Variants in DCC observed in about 807,000 individuals in gnomAD.
The protein encoded by DCC is netrin receptor DCC.
DCC carries 58 observed loss-of-function variants against 172.5 expected under a neutral mutation model. That is an observed-to-expected ratio of 0.34 (90% confidence interval 0.27 to 0.42). The LOEUF is 0.42. Ranked by LOEUF, DCC falls within the 10% of genes least tolerant of loss-of-function variation. The pLI is 1.00. For missense variants in DCC, 1,740 were observed against 1,791.0 expected (o/e 0.97, Z 0.51); for synonymous variants, 709 against 644.5 (o/e 1.10, Z -1.52).
chr18:52,350,672 C>A (rs1984080169), intron 1 of DCC, among the ~76,000 whole-genome samples: 1 of 152,130 alleles, frequency 6.6e-6, no homozygotes, highest in Admixed American at 6.5e-5. Flanking sequence ...ATTTAAAAAA[C>A]TCATAATATA....
intron 26 of DCC, among the ~76,000 whole-genome samples, chr18:53,489,849 T>A (rs904468403): frequency 6.6e-6 from 1 of 152,244 alleles, no homozygotes; most frequent in Non-Finnish European, 1.5e-5. Context: ...TTCTTCTTAA[T>A]AAGTAACTGC....
chr18:53,121,953 C>G (rs751741140), intron 7 of DCC, among the ~76,000 whole-genome samples: 9 of 151,698 alleles, frequency 5.9e-5, no homozygotes, highest in Admixed American at 1.3e-4. Flanking sequence ...TGATAAATAC[C>G]CTGAGGCTCT....
At chr18:53,247,047 A>G (rs2056373520) in intron 12 of DCC, among the ~76,000 whole-genome samples, 1 of 152,072 alleles carries the variant, frequency 6.6e-6, no homozygotes, top group Admixed American at 6.6e-5. Context: ...GCATCTGGGA[A>G]GACTCAGAGA....
At chr18:52,791,876 C>T (rs141750113) in intron 2 of DCC, among the ~76,000 whole-genome samples, 76 of 152,138 alleles carry the variant, frequency 5.0e-4, no homozygotes, top group African/African-American at 1.7e-3. Flanking sequence ...AAGCAGAATA[C>T]GTGCCTTAAA....
At chr18:53,361,285 A>C (rs543405971) in intron 15 of DCC, among the ~76,000 whole-genome samples, 1 of 152,288 alleles carries the variant, frequency 6.6e-6, no homozygotes, top group East Asian at 1.9e-4. Flanking sequence ...TTTGTTGTTT[A>C]AGTTTGTGTA....
chr18:52,363,064 G>A (rs1448985631), intron 1 of DCC, among the ~76,000 whole-genome samples: 2 of 152,142 alleles, frequency 1.3e-5, no homozygotes, highest in Non-Finnish European at 2.9e-5. Context: ...ACGTAGTAGA[G>A]ATGGGGTTTT....
intron 7 of DCC, among the ~76,000 whole-genome samples, chr18:53,110,063 C>A (rs913239421): frequency 1.7e-4 from 26 of 151,446 alleles, no homozygotes; most frequent in Non-Finnish European, 4.4e-5. Flanking sequence ...ACCATTTTTT[C>A]TTTAATTTCT....
At position 52,560,987 on chromosome 18, in the gene DCC, T is replaced by A. The variant is rs150650384; in HGVS notation, c.92-191067T>A. Among the ~76,000 whole-genome samples, 763 of 152,282 alleles carry A rather than the reference T, an allele frequency of 5.0e-3. 1 individual carries two copies. The highest frequency in any genetic ancestry group is 8.8e-3 in the Non-Finnish European group (598 of 68,000). ...TTTTATGTGTTCATGATGCTAACCA[T>A]TTGGATATTTGGAAGCATATGGAAG... On this transcript the variant is annotated intron_variant, in intron 1 of 28. Coordinates refer to ENST00000442544, the MANE Select transcript of DCC (RefSeq NM_005215.4).
At chr18:52,924,628 T>A (rs928987434) in intron 4 of DCC, among the ~76,000 whole-genome samples, 3 of 152,224 alleles carry the variant, frequency 2.0e-5, no homozygotes, top group Admixed American at 6.6e-5. Context: ...ATTCTCCTTT[T>A]TAACATATTT....
At chr18:53,416,391 T>G in intron 21 of DCC, 1 of 673,996 alleles carries the variant, frequency 1.5e-6, no homozygotes, top group Non-Finnish European at 2.7e-6. Context: ...GAAGGACCAA[T>G]TAAAATGTCA....
chr18:52,824,003 G>T (rs1835708), intron 2 of DCC, among the ~76,000 whole-genome samples: 343 of 152,264 alleles, frequency 2.3e-3, no homozygotes, highest in African/African-American at 7.7e-3. Context: ...AAACATGCTC[G>T]CTAAAACTGA....
chr18:52,718,633 T>C (rs1303575556), intron 1 of DCC, among the ~76,000 whole-genome samples: 1 of 152,210 alleles, frequency 6.6e-6, no homozygotes. Flanking sequence ...TGTCATCTAC[T>C]GGAGGCCAGA....
chr18:52,990,347 C>T (rs2041364741), intron 5 of DCC, among the ~76,000 whole-genome samples: 1 of 151,886 alleles, frequency 6.6e-6, no homozygotes, highest in African/African-American at 2.4e-5. Context: ...TTGAGATCAG[C>T]CTGACCAACA....
At chr18:53,250,865 A>G (rs1180516493) in intron 12 of DCC, among the ~76,000 whole-genome samples, 4 of 151,836 alleles carry the variant, frequency 2.6e-5, no homozygotes, top group Non-Finnish European at 1.5e-5. Context: ...CTGAAACCCT[A>G]CTATCTGGCT....
chr18:52,775,002 T>G (rs2145173126), intron 2 of DCC, among the ~76,000 whole-genome samples: 1 of 152,226 alleles, frequency 6.6e-6, no homozygotes, highest in South Asian at 2.1e-4. Flanking sequence ...CCAGCCCAGT[T>G]AGAGTGGAGT....
chr18:52,489,276 C>T (rs1203352102), intron 1 of DCC, among the ~76,000 whole-genome samples: 1 of 152,068 alleles, frequency 6.6e-6, no homozygotes, highest in African/African-American at 2.4e-5. Context: ...TTCCTACCAA[C>T]TTTCTGGCTA....
intron 2 of DCC, among the ~76,000 whole-genome samples, chr18:52,864,723 C>T (rs188424522): frequency 6.6e-6 from 1 of 151,974 alleles, no homozygotes; most frequent in African/African-American, 2.4e-5. Context: ...GTGTTGTTCC[C>T]CTCCGTGTGT....
chr18:52,707,912 G>T (rs113852479), intron 1 of DCC, among the ~76,000 whole-genome samples: 1 of 152,142 alleles, frequency 6.6e-6, no homozygotes, highest in African/African-American at 2.4e-5. Flanking sequence ...CAGTTAGATA[G>T]GAGAAGTAAG....
intron 13 of DCC, 123 bp downstream of exon 13, chr18:53,305,842 T>C (rs1009781985): frequency 5.2e-5 from 50 of 962,832 alleles, no homozygotes; most frequent in Non-Finnish European, 7.6e-5. Context: ...GTGACATCTA[T>C]TGGCTGGAAC....
Sources: allele counts gnomAD v4.1 joint callset (sites outside exome capture counted in the v4.1 genomes callset), GRCh38; gene constraint gnomAD v4.1.1; transcripts MANE v1.5; gene names NCBI Gene and HGNC (gene_info 2026-07-23, HGNC 2026-07-21).